Variants in SYNGR3 observed in about 807,000 individuals in gnomAD.
SYNGR3 encodes synaptogyrin-3.
Under a neutral mutation model 18.5 loss-of-function variants are expected in SYNGR3, and 10 were observed. The observed-to-expected ratio is 0.54, with a 90% CI of 0.33 to 0.92. The LOEUF is 0.92. SYNGR3 is among the 40% of genes least tolerant of loss of function. The pLI, the probability that SYNGR3 is intolerant of heterozygous loss-of-function variation, is 0.02. For synonymous variants in SYNGR3, 188 were observed against 157.2 expected (o/e 1.20, Z -1.47); for missense variants, 335 against 332.8 (o/e 1.01, Z -0.05).
In SYNGR3 at chr16:1,991,959, C is replaced by T; in HGVS notation, c.100-15C>T. 1 of 1,585,278 alleles carries T rather than the reference C, an allele frequency of 6.3e-7. No homozygotes were observed. Among genetic ancestry groups the T allele is most frequent in the South Asian group, 1.1e-5 (1 of 88,390 alleles). On this transcript the variant is annotated splice_polypyrimidine_tract_variant and intron_variant, in intron 1 of 3. Transcript: ENST00000248121. The stretch of plus-strand genomic sequence containing the variant: ...TCGGGTCGCCGCAGGGCCCTGAGCG[C>T]CGCGCCGCACGCAGGTGTTCTCCAT...
At position 1,993,760 on chromosome 16, in the gene SYNGR3, G is replaced by C. The variant is rs1320523161; in HGVS notation, c.*688G>C. ...AGCTGTGGGCCAAGACACCAGCCCT[G>C]TCCTAGCCCTTCAGTAAGACCTTGC... On this transcript the variant is annotated 3_prime_UTR_variant, in exon 4 of 4. Transcript: ENST00000248121. The C allele has an allele frequency of 1.1e-5, 4 of 365,910 alleles. No individual in the cohort carries two copies. Among genetic ancestry groups the C allele is most frequent in the South Asian group, 4.0e-5 (2 of 49,786 alleles). The allele number at this position is 365,910 out of a possible 1,614,324, so 22.7% of individuals were successfully genotyped here.
rs756928484 is a variant in SYNGR3, at chr16:1,992,956, G to T, written c.574G>T (p.Ala192Ser). The T allele has an allele frequency of 6.2e-7, 1 of 1,611,644 alleles. No individual in the cohort carries two copies. The highest frequency in any genetic ancestry group is 1.3e-5 in the African/African-American group (1 of 74,920). Residue 192 changes from alanine to serine, a missense_variant, in exon 4 of 4, where the codon GCC (alanine) becomes TCC (serine). Physicochemically the swap from Ala to Ser is moderately conservative, Grantham distance 99. Transcript: ENST00000248121. ...ACAGCTGAGCACCGGGGCGAGCCAG[G>T]CCTACCCCGGCTATCCGGTGGGCAG... ...TEQLSTGASQAYPGYPVGSGV... is the reference protein window; with the variant it reads ...TEQLSTGASQSYPGYPVGSGV...
In SYNGR3 at chr16:1,992,210, A is replaced by G; in HGVS notation, c.336A>G (p.Ser112=). The change falls in exon 2 of 4, where the codon TCA becomes TCG. Residue 112 remains serine, a splice_region_variant and synonymous_variant. Coordinates refer to ENST00000248121, the MANE Select transcript of SYNGR3 (RefSeq NM_004209.6). ...CGGTGTTGCTGGACCTGGGCTTCTC[A>G]GGTGGGCGGGGCCGGGGCGGTGAGC... ...RRAVLLDLGF[S]GLWSFLWFVG... The G allele has an allele frequency of 2.2e-6, 2 of 906,718 alleles. No homozygotes were observed. Among genetic ancestry groups the G allele is most frequent in the South Asian group, 4.8e-5 (1 of 20,990 alleles). The allele number at this position is 906,718 out of a possible 1,614,324, so 56.2% of individuals were successfully genotyped here. A position where few individuals can be genotyped will look rare whatever the true frequency, so the allele number is the denominator to read the frequency against.
intron 1 of SYNGR3, among the ~76,000 whole-genome samples, chr16:1,990,928 G>A (rs372921362): frequency 6.6e-6 from 1 of 152,262 alleles, no homozygotes; most frequent in African/African-American, 2.4e-5. Context: ...GGCCTCCCCT[G>A]CGGAGTGGCT....
Position 1,993,580 on chromosome 16 carries a change from C to G in SYNGR3, c.*508C>G, listed in dbSNP as rs1309433607. 1 of 458,048 alleles carries G rather than the reference C, an allele frequency of 2.2e-6. No individual in the cohort carries two copies. Among genetic ancestry groups the G allele is most frequent in the Admixed American group, 2.3e-5 (1 of 42,598 alleles). 28.4% of individuals were successfully genotyped at this position (458,048 alleles called of 1,614,324 possible). ...CCCGTCCGGAGCCACTCTCCACTTT[C>G]TCTCACAGGCTGCTAGAACAGCCCA... On this transcript the variant is annotated 3_prime_UTR_variant, in exon 4 of 4. Coordinates refer to ENST00000248121, the MANE Select transcript of SYNGR3 (RefSeq NM_004209.6).
In SYNGR3 at chr16:1,992,670, C is replaced by T. The variant is rs1476636900; in HGVS notation, c.372C>T (p.Cys124=). 8 of 1,606,512 alleles carry T rather than the reference C, an allele frequency of 5.0e-6. No individual in the cohort carries two copies. The Admixed American group carries it at 1.2e-4, about 24-fold the overall frequency. The change falls in exon 3 of 4, where the codon TGC becomes TGT. Residue 124 remains cysteine (C), a synonymous_variant. Coordinates refer to ENST00000248121, the MANE Select transcript of SYNGR3 (RefSeq NM_004209.6). The part of the protein sequence containing the change: ...LWSFLWFVGF[C]FLTNQWQRTA... The stretch of plus-strand genomic sequence containing the variant: ...CCTTCCTGTGGTTCGTGGGCTTCTG[C>T]TTCCTCACCAATCAGTGGCAGCGCA...
At chr16:1,992,821 T>TCGGCTGATCC (rs759136057) in intron 3 of SYNGR3, 42 bp from the exon 4 acceptor site, 238 of 1,506,880 alleles carry the variant, frequency 1.6e-4, no homozygotes, top group Non-Finnish European at 8.8e-5. Context: ...GGGCGGGCGC[T>TCGGCTGATCC]CGGCTGATCC....
Position 1,993,021 on chromosome 16 carries a change from C to T in SYNGR3, c.639C>T (p.Phe213=), listed in dbSNP as rs2083613573. 1 of 1,612,040 alleles carries T rather than the reference C, an allele frequency of 6.2e-7. No individual in the cohort carries two copies. Among genetic ancestry groups the T allele is most frequent in the African/African-American group, 1.3e-5 (1 of 74,910 alleles). ...CCGAGACCTACCAGAGCCCGCCCTT[C>T]ACCGAGACCCTGGACACCAGCCCCA... is the stretch of plus-strand genomic sequence containing the variant. ...EGTETYQSPP[F]TETLDTSPKG... Residue 213 remains phenylalanine, a synonymous_variant, in exon 4 of 4, where the codon TTC becomes TTT. Coordinates refer to ENST00000248121, the MANE Select transcript of SYNGR3 (RefSeq NM_004209.6).
Position 1,990,204 on chromosome 16 carries a change from G to A in SYNGR3, c.99+3G>A. 7 of 1,274,872 alleles carry A rather than the reference G, an allele frequency of 5.5e-6. No homozygotes were observed. The South Asian group carries it at 1.7e-4, about 32-fold the overall frequency. 79.0% of individuals were successfully genotyped at this position (1,274,872 alleles called of 1,614,324 possible). ...CCCTGCTCCGGGTCGCGTCCTGGGT[G>A]AGTGGTCCCTGCCCGGGCCCCCGCT... On this transcript the variant is annotated splice_donor_region_variant and intron_variant, in intron 1 of 3. Coordinates refer to ENST00000248121, the MANE Select transcript of SYNGR3 (RefSeq NM_004209.6).
rs943719656 is a variant in SYNGR3 at position 1,990,183 on chromosome 16, G to A, written c.81G>A (p.Leu27=). 22 of 1,280,130 alleles carry A rather than the reference G, an allele frequency of 1.7e-5. No homozygotes were observed. The African/African-American group carries it at 3.1e-4, about 18-fold the overall frequency. 79.3% of individuals were successfully genotyped at this position (1,280,130 alleles called of 1,614,324 possible). Reference sequence around the variant, plus strand: ...GCTTTGCGCGGCGGCCCCAGACCCTGCTCCGGGTCGCGTCCTGGGTGAGTG... The same window carrying A: ...GCTTTGCGCGGCGGCCCCAGACCCTACTCCGGGTCGCGTCCTGGGTGAGTG... ...PVSFARRPQT[L]LRVASWVFSI... The change falls in exon 1 of 4, where the codon CTG becomes CTA. Residue 27 remains leucine, a synonymous_variant. Coordinates refer to ENST00000248121, the MANE Select transcript of SYNGR3 (RefSeq NM_004209.6).
rs2083594683 is a variant in SYNGR3, at chr16:1,990,154, G to A, written c.52G>A (p.Val18Met). 22 of 1,257,662 alleles carry A rather than the reference G, an allele frequency of 1.7e-5. No homozygotes were observed. Among genetic ancestry groups the A allele is most frequent in the Non-Finnish European group, 2.0e-5 (20 of 998,892 alleles). The allele number at this position is 1,257,662 out of a possible 1,614,324, so 77.9% of individuals were successfully genotyped here. The change falls in exon 1 of 4, where the codon GTG becomes ATG. Residue 18 changes from valine (V) to methionine (M), a missense_variant. Coordinates refer to ENST00000248121, the MANE Select transcript of SYNGR3 (RefSeq NM_004209.6). ...CCGCGCAGGGGCCGCCCTGGACCCC[G>A]TGAGCTTTGCGCGGCGGCCCCAGAC... ...AGRAGAALDPVSFARRPQTLL... is the reference protein window; with the variant it reads ...AGRAGAALDPMSFARRPQTLL...
chr16:1,991,837 G>A, intron 1 of SYNGR3, 137 bp from the exon 2 acceptor site: 1 of 688,722 alleles, frequency 1.5e-6, no homozygotes, highest in South Asian at 2.0e-5. Flanking sequence ...CGAGGGTTCG[G>A]GAAAGAAAGA....
At position 1,990,166 on chromosome 16, in the gene SYNGR3, C is replaced by T. The variant is rs1421865408; in HGVS notation, c.64C>T (p.Arg22Trp). 33 of 1,263,402 alleles carry T rather than the reference C, an allele frequency of 2.6e-5. No individual in the cohort carries two copies. In the East Asian group the frequency reaches 6.3e-4, roughly 24 times the overall value. 78.3% of individuals were successfully genotyped at this position (1,263,402 alleles called of 1,614,324 possible). Residue 22 changes from arginine (R) to tryptophan (W), a missense_variant, in exon 1 of 4, where the codon CGG (arginine) becomes TGG (tryptophan). By Grantham distance (101) the Arg-to-Trp change is moderately radical. Coordinates refer to ENST00000248121, the MANE Select transcript of SYNGR3 (RefSeq NM_004209.6). ...CGCCCTGGACCCCGTGAGCTTTGCG[C>T]GGCGGCCCCAGACCCTGCTCCGGGT... ...GAALDPVSFA[R>W]RPQTLLRVAS... is the part of the protein sequence containing the mutation.
rs756124331 is a variant in SYNGR3, at chr16:1,992,190, T to C, written c.316T>C (p.Leu106=). ...SSVRDRRRAV[L]LDLGFSGLWS... ...CGTCCGCGACCGCCGGCGCGCGGTG[T>C]TGCTGGACCTGGGCTTCTCAGGTGG... is the stretch of plus-strand genomic sequence containing the variant. Residue 106 remains leucine, a synonymous_variant, in exon 2 of 4, where the codon TTG becomes CTG. Coordinates refer to ENST00000248121, the MANE Select transcript of SYNGR3 (RefSeq NM_004209.6). 5.7e-6 allele frequency: 8 copies of C among 1,400,042 alleles called. No homozygotes were observed. Among genetic ancestry groups the C allele is most frequent in the Non-Finnish European group, 7.4e-6 (8 of 1,074,524 alleles). The allele number at this position is 1,400,042 out of a possible 1,614,324, so 86.7% of individuals were successfully genotyped here. A position where few individuals can be genotyped will look rare whatever the true frequency, so the allele number is the denominator to read the frequency against.
At chr16:1,992,352 T>C (rs112443406) in intron 2 of SYNGR3, 141 bp downstream of exon 2, 5 of 215,994 alleles carry the variant, frequency 2.3e-5, no homozygotes, top group Non-Finnish European at 3.5e-5. Flanking sequence ...GGAGTGTCAA[T>C]GGGCCTCCCG....
rs562240204 is a variant in SYNGR3, at chr16:1,993,200, C to T, written c.*128C>T. 3.3e-6 allele frequency: 4 copies of T among 1,226,426 alleles called. No homozygotes were observed. The highest frequency in any genetic ancestry group is 2.6e-5 in the East Asian group (1 of 39,124). 76.0% of individuals were successfully genotyped at this position (1,226,426 alleles called of 1,614,324 possible). A position where few individuals can be genotyped will look rare whatever the true frequency, so the allele number is the denominator to read the frequency against. On this transcript the variant is annotated 3_prime_UTR_variant, in exon 4 of 4. Transcript: ENST00000248121. ...GAGTAGGTGGCCGCTTTGCGCCATCCGGGGCCAAGAGGGGGTGGACCCGCG... is the reference window on the plus strand; with the variant it reads ...GAGTAGGTGGCCGCTTTGCGCCATCTGGGGCCAAGAGGGGGTGGACCCGCG...
rs373881874 is a variant in SYNGR3, at chr16:1,992,977, G to T, written c.595G>T (p.Gly199Cys). The T allele has an allele frequency of 1.2e-6, 2 of 1,611,688 alleles. No homozygotes were observed. Among genetic ancestry groups the T allele is most frequent in the African/African-American group, 2.7e-5 (2 of 74,792 alleles). Reference sequence around the variant, plus strand: ...CCAGGCCTACCCCGGCTATCCGGTGGGCAGCGGCGTGGAGGGCACCGAGAC... The same window carrying T: ...CCAGGCCTACCCCGGCTATCCGGTGTGCAGCGGCGTGGAGGGCACCGAGAC... ...ASQAYPGYPV[G>C]SGVEGTETYQ... The change falls in exon 4 of 4, where the codon GGC becomes TGC. Residue 199 changes from glycine (G) to cysteine (C), a missense_variant. By Grantham distance (159) the Gly-to-Cys change is radical. Transcript: ENST00000248121.
chr16:1,992,943 C>T lies in SYNGR3; in HGVS notation c.561C>T (p.Thr187=). The T allele has an allele frequency of 1.2e-6, 2 of 1,611,324 alleles. No homozygotes were observed. The highest frequency in any genetic ancestry group is 1.7e-6 in the Non-Finnish European group (2 of 1,179,460). ...MSLFATEQLS[T]GASQAYPGYP... ...TCTTCGCCACCGAACAGCTGAGCAC[C>T]GGGGCGAGCCAGGCCTACCCCGGCT... The change falls in exon 4 of 4, where the codon ACC becomes ACT. Residue 187 remains threonine, a synonymous_variant. Coordinates refer to ENST00000248121, the MANE Select transcript of SYNGR3 (RefSeq NM_004209.6).
At chr16:1,992,505 G>A (rs1045057510) in intron 2 of SYNGR3, 131 bp from the exon 3 acceptor site, 15 of 1,252,630 alleles carry the variant, frequency 1.2e-5, no homozygotes, top group African/African-American at 9.6e-5. Context: ...GAGGGAGGCG[G>A]GACCTCGCGC....
Sources: gnomAD v4.1 joint callset for allele counts (sites outside exome capture counted in the v4.1 genomes callset) on GRCh38, gnomAD v4.1.1 for gene constraint, MANE v1.5 for transcripts, NCBI Gene and HGNC (gene_info 2026-07-23, HGNC 2026-07-21) for gene names.